The following APAF1 variants were observed in gnomAD, a reference collection of about 807,000 sequenced individuals.
APAF1 encodes apoptotic protease-activating factor 1.
In APAF1, 91 loss-of-function variants were observed where a neutral mutation model predicts 152.4. The observed-to-expected ratio is 0.60, with a 90% CI of 0.50 to 0.71. The LOEUF (loss-of-function observed/expected upper bound fraction) is 0.71. Ranked by LOEUF, APAF1 falls within the 30% of genes least tolerant of loss-of-function variation. The pLI is 0.00. For synonymous variants in APAF1, 484 were observed against 494.1 expected (o/e 0.98, Z 0.27); for missense variants, 1,283 against 1,472.0 (o/e 0.87, Z 2.10).
intron 23 of APAF1, 48 bp from the exon 24 acceptor site, chr12:98,723,591 A>G (rs766182126): frequency 1.5e-5 from 22 of 1,498,308 alleles, no homozygotes; most frequent in Non-Finnish European, 1.6e-5. Flanking sequence ...TTAATATAAA[A>G]TGTTCTTAAA....
chr12:98,680,186 C>T, intron 13 of APAF1, 91 bp from the exon 14 acceptor site: 1 of 1,368,438 alleles, frequency 7.3e-7, no homozygotes, highest in Non-Finnish European at 9.9e-7. Flanking sequence ...TGCAAAATGA[C>T]AATGATTAAA....
At chr12:98,688,808 T>TTTTC (rs1218351053) in intron 16 of APAF1, among the ~76,000 whole-genome samples, 2 of 151,874 alleles carry the variant, frequency 1.3e-5, no homozygotes, top group South Asian at 4.2e-4. Flanking sequence ...TACTCTTCTC[T>TTTTC]TTTCTTTCTT....
At chr12:98,717,766 C>T (rs1034817393) in intron 22 of APAF1, among the ~76,000 whole-genome samples, 2 of 151,740 alleles carry the variant, frequency 1.3e-5, no homozygotes, top group Admixed American at 6.6e-5. Flanking sequence ...TTGTTTTGAC[C>T]TCCTATTTTG....
At chr12:98,668,023 A>T (rs1565865367) in intron 10 of APAF1, among the ~76,000 whole-genome samples, 1 of 151,902 alleles carries the variant, frequency 6.6e-6, no homozygotes, top group Non-Finnish European at 1.5e-5. Flanking sequence ...AGCTCAAGTG[A>T]TCCACTCGCT....
At chr12:98,725,386 AT>A in intron 24 of APAF1, 28 bp from the exon 25 acceptor site, 1 of 1,613,838 alleles carries the variant, frequency 6.2e-7, no homozygotes, top group Non-Finnish European at 8.5e-7. Flanking sequence ...TGTTTATAGC[AT>A]TGCTAAACAA....
At chr12:98,684,184 A>G (rs1193192270) in intron 15 of APAF1, among the ~76,000 whole-genome samples, 2 of 152,216 alleles carry the variant, frequency 1.3e-5, no homozygotes, top group Non-Finnish European at 2.9e-5. Context: ...TAGAAAAATT[A>G]TCTTTAGAAA....
intron 20 of APAF1, 130 bp downstream of exon 20, chr12:98,708,834 T>A: frequency 1.2e-6 from 1 of 817,900 alleles, no homozygotes; most frequent in Non-Finnish European, 1.9e-6. Context: ...AGACATTAGT[T>A]AAATAAATAT....
rs575135198 is a variant in APAF1 at position 98,666,803 on chromosome 12, A to T, written c.1362+446A>T. On this transcript the variant is annotated intron_variant, in intron 9 of 26. Coordinates refer to ENST00000551964, the MANE Select transcript of APAF1 (RefSeq NM_181861.2). ...TAGATATTTGGCAAGAATACCAATG[A>T]TGTTGTATCTTTCTCAGTGGCGTCA... Among the ~76,000 whole-genome samples, 87 of 152,192 alleles carry T rather than the reference A, an allele frequency of 5.7e-4. 1 individual carries two copies. Among genetic ancestry groups the T allele is most frequent in the African/African-American group, 1.6e-3 (67 of 41,506 alleles).
chr12:98,661,539 C>T (rs1038194092), intron 5 of APAF1, among the ~76,000 whole-genome samples: 2 of 151,716 alleles, frequency 1.3e-5, no homozygotes, highest in African/African-American at 4.8e-5. Flanking sequence ...TGCAATGGTG[C>T]GATATCGGTT....
intron 20 of APAF1, among the ~76,000 whole-genome samples, chr12:98,711,182 C>T (rs1349713984): frequency 6.6e-6 from 1 of 152,188 alleles, no homozygotes; most frequent in African/African-American, 2.4e-5. Context: ...GATTCTTCCA[C>T]TTGGGATATT....
intron 16 of APAF1, among the ~76,000 whole-genome samples, chr12:98,695,353 GCC>G (rs374132694): frequency 1.4e-5 from 2 of 140,186 alleles, no homozygotes; most frequent in African/African-American, 5.5e-5. Context: ...GCCCAATGCC[GCC>G]CCCCCCCTTT....
At chr12:98,726,856 T>C (rs983256971) in intron 25 of APAF1, 12 of 288,746 alleles carry the variant, frequency 4.2e-5, no homozygotes, top group African/African-American at 1.8e-4. Flanking sequence ...CTGAACTGTT[T>C]CTAATGAGTT....
At position 98,706,570 on chromosome 12, in the gene APAF1, G is replaced by A. The variant is rs61757705; in HGVS notation, c.2681G>A (p.Gly894Glu). The change falls in exon 19 of 27, where the codon GGA becomes GAA. Residue 894 changes from glycine (G) to glutamate (E), a missense_variant. Physicochemically the swap from Gly to Glu is moderately conservative, Grantham distance 98 (BLOSUM62 -2). Transcript: ENST00000551964. ...CATGGTGTGATGTTTTCTCCTGATG[G>A]ATCATCATTTTTGACATCTTCTGAT... ...WVHGVMFSPD[G>E]SSFLTSSDDQ... The A allele has an allele frequency of 7.9e-4, 1,281 of 1,613,878 alleles. No homozygotes were observed. Among genetic ancestry groups the A allele is most frequent in the Non-Finnish European group, 1.0e-3 (1,207 of 1,179,912 alleles).
At chr12:98,694,784 C>T (rs1039235098) in intron 16 of APAF1, among the ~76,000 whole-genome samples, 1 of 151,874 alleles carries the variant, frequency 6.6e-6, no homozygotes, top group African/African-American at 2.4e-5. Flanking sequence ...GCTATCTGCT[C>T]ATATTTAAGA....
At position 98,648,485 on chromosome 12, in the gene APAF1, A is replaced by C. The variant is rs1209995584; in HGVS notation, c.126A>C (p.Lys42Asn). ...DGFLTISEEEKVRNEPTQQQR... is the reference protein window; with the variant it reads ...DGFLTISEEENVRNEPTQQQR... ...TTTTAACAATATCAGAAGAGGAAAA[A>C]GTAAGAAATGAGGTAAAGCTCTCTG... The change falls in exon 2 of 27, where the codon AAA (lysine) becomes AAC (asparagine). Residue 42 changes from lysine to asparagine, a missense_variant. Coordinates refer to ENST00000551964, the MANE Select transcript of APAF1 (RefSeq NM_181861.2). 6.2e-7 allele frequency: 1 copy of C among 1,613,788 alleles called. No individual in the cohort carries two copies. Among genetic ancestry groups the C allele is most frequent in the Non-Finnish European group, 8.5e-7 (1 of 1,179,884 alleles).
chr12:98,673,476 C>T (rs1225071719), intron 12 of APAF1, among the ~76,000 whole-genome samples: 1 of 150,486 alleles, frequency 6.6e-6, no homozygotes, highest in Non-Finnish European at 1.5e-5. Context: ...AACCTTGGGT[C>T]TGCCTGGCTT....
chr12:98,653,967 A>G lies in APAF1; in HGVS notation c.526+4283A>G, dbSNP rs115567249. On this transcript the variant is annotated intron_variant, in intron 4 of 26. Coordinates refer to ENST00000551964, the MANE Select transcript of APAF1 (RefSeq NM_181861.2). ...ATTTCTTTGTGTTATTAGATTATTA[A>G]TTGCTACCAGGATAAGCCTCCTGTG... is the stretch of plus-strand genomic sequence containing the variant. Among the ~76,000 whole-genome samples, 318 of 151,786 alleles carry G rather than the reference A, an allele frequency of 2.1e-3. 1 individual carries two copies. Among genetic ancestry groups the G allele is most frequent in the African/African-American group, 7.3e-3 (302 of 41,400 alleles).
intron 16 of APAF1, among the ~76,000 whole-genome samples, chr12:98,696,064 A>G (rs557768062): frequency 6.6e-6 from 1 of 152,164 alleles, no homozygotes; most frequent in East Asian, 1.9e-4. Flanking sequence ...AAAAATTCCT[A>G]TTACTATTGT....
At chr12:98,723,402 T>C in intron 23 of APAF1, 90 bp downstream of exon 23, 1 of 1,411,896 alleles carries the variant, frequency 7.1e-7, no homozygotes, top group Non-Finnish European at 9.8e-7. Flanking sequence ...GTGAGGCTAA[T>C]TACTTACTTA....
Sources: allele counts gnomAD v4.1 joint callset (sites outside exome capture counted in the v4.1 genomes callset), GRCh38; gene constraint gnomAD v4.1.1; transcripts MANE v1.5; gene names NCBI Gene and HGNC (gene_info 2026-07-23, HGNC 2026-07-21).